Variants in TMEM163 observed in about 807,000 individuals in gnomAD.
TMEM163 encodes transmembrane protein 163.
A neutral mutation model predicts 29.3 loss-of-function variants in TMEM163; 17 were observed. The ratio of observed to expected loss-of-function variants is 0.58; its 90% CI spans 0.40 to 0.87. TMEM163 has a LOEUF of 0.87. Among genes scored for constraint, TMEM163 ranks in the 40% least tolerant of loss-of-function variants. The pLI, the probability that TMEM163 is intolerant of heterozygous loss-of-function variation, is 0.00. For synonymous variants in TMEM163, 157 were observed against 160.6 expected, an observed-to-expected ratio of 0.98 and a Z score of 0.17; for missense variants, 303 against 381.5, an observed-to-expected ratio of 0.79 and a Z score of 1.71.
chr2:134,536,013 G>A (rs749371339), intron 4 of TMEM163, among the ~76,000 whole-genome samples: 25 of 152,140 alleles, frequency 1.6e-4, no homozygotes, highest in Non-Finnish European at 3.1e-4. Context: ...ATGAGCCACC[G>A]CGCCCAGCCT....
At chr2:134,679,079 G>C (rs1312856373) in intron 2 of TMEM163, among the ~76,000 whole-genome samples, 1 of 152,036 alleles carries the variant, frequency 6.6e-6, no homozygotes, top group Admixed American at 6.5e-5. Flanking sequence ...GTCTGTCCCT[G>C]GCCTAGGGAA....
intron 2 of TMEM163, among the ~76,000 whole-genome samples, chr2:134,630,264 C>G (rs924280889): frequency 6.6e-6 from 1 of 151,526 alleles, no homozygotes; most frequent in African/African-American, 2.4e-5. Context: ...CATGATAAGT[C>G]TCTAGGACAG....
chr2:134,686,904 G>T (rs1340805718), intron 2 of TMEM163, among the ~76,000 whole-genome samples: 4 of 152,094 alleles, frequency 2.6e-5, no homozygotes, highest in African/African-American at 4.8e-5. Flanking sequence ...CATTCCCCTG[G>T]CCATCCAAAG....
intron 4 of TMEM163, among the ~76,000 whole-genome samples, chr2:134,542,520 G>A (rs948875702): frequency 3.9e-5 from 6 of 152,130 alleles, no homozygotes; most frequent in Admixed American, 1.3e-4. Flanking sequence ...GCCACGCCCC[G>A]TCACTCGCAT....
At chr2:134,495,022 C>T (rs1323111615) in intron 5 of TMEM163, among the ~76,000 whole-genome samples, 2 of 152,198 alleles carry the variant, frequency 1.3e-5, no homozygotes, top group Non-Finnish European at 2.9e-5. Flanking sequence ...TCAAACGTTT[C>T]CTGCCTCCAA....
rs145675081 is a variant in TMEM163, at chr2:134,553,583, C to T, written c.323-1492G>A. 8.5e-5 allele frequency among the ~76,000 whole-genome samples: 13 copies of T among 152,274 alleles called. No individual in the cohort carries two copies. In the East Asian group the frequency reaches 1.9e-3, roughly 23 times the overall value. ...GGAGAGTGAACCACTGGTGTCCGAG[C>T]GTTTCCAGACCCTTCCTGAAACTCA... is the stretch of plus-strand genomic sequence containing the variant. On this transcript the variant is annotated intron_variant, in intron 2 of 7. Transcript: ENST00000281924.
intron 5 of TMEM163, among the ~76,000 whole-genome samples, chr2:134,488,987 G>A (rs1179780452): frequency 6.6e-6 from 1 of 152,126 alleles, no homozygotes; most frequent in South Asian, 2.1e-4. Context: ...GTAACATTCT[G>A]AGAACATGAA....
chr2:134,583,427 C>T (rs913202770), intron 2 of TMEM163, among the ~76,000 whole-genome samples: 73 of 152,214 alleles, frequency 4.8e-4, no homozygotes, highest in African/African-American at 1.5e-3. Context: ...AAATTTCAGA[C>T]GGCAATCTAA....
chr2:134,697,331 C>A (rs1684604293), intron 2 of TMEM163, among the ~76,000 whole-genome samples: 1 of 152,098 alleles, frequency 6.6e-6, no homozygotes, highest in South Asian at 2.1e-4. Flanking sequence ...GCCTAATTTA[C>A]CAGTTACAAT....
At chr2:134,589,042 AG>A (rs2104800721) in intron 2 of TMEM163, among the ~76,000 whole-genome samples, 1 of 152,336 alleles carries the variant, frequency 6.6e-6, no homozygotes, top group South Asian at 2.1e-4. Flanking sequence ...GAAGAGACAA[AG>A]GTCAAAGGCA....
At position 134,561,353 on chromosome 2, in the gene TMEM163, A is replaced by G. The variant is rs1681177266; in HGVS notation, c.323-9262T>C. 4.6e-5 allele frequency among the ~76,000 whole-genome samples: 7 copies of G among 151,580 alleles called. No homozygotes were observed. The South Asian group carries it at 1.3e-3, about 27-fold the overall frequency. On this transcript the variant is annotated intron_variant, in intron 2 of 7. Transcript: ENST00000281924. ...CGAGTAGCTGGGACTACAGGCACCC[A>G]CCACCACACCCGGCTAATTTTTTTG...
intron 4 of TMEM163, among the ~76,000 whole-genome samples, chr2:134,510,369 C>T (rs111667301): frequency 6.6e-6 from 1 of 152,106 alleles, no homozygotes; most frequent in South Asian, 2.1e-4. Context: ...GACAGGAAGT[C>T]GCTGCAGCAT....
chr2:134,670,479 C>T (rs1193822678), intron 2 of TMEM163, among the ~76,000 whole-genome samples: 1 of 152,140 alleles, frequency 6.6e-6, no homozygotes, highest in Admixed American at 6.5e-5. Flanking sequence ...GCAATCTTGC[C>T]CTGATACTAC....
intron 2 of TMEM163, among the ~76,000 whole-genome samples, chr2:134,671,943 TGCTCAGAGCCTA>T (rs1352991438): frequency 2.0e-5 from 3 of 152,222 alleles, no homozygotes; most frequent in Non-Finnish European, 4.4e-5. Context: ...AAATGTAAAG[TGCTCAGAGCCTA>T]GCCTGGCATG....
At chr2:134,506,251 CCA>C (rs1460293312) in intron 4 of TMEM163, among the ~76,000 whole-genome samples, 2 of 152,094 alleles carry the variant, frequency 1.3e-5, no homozygotes, top group African/African-American at 2.4e-5. Flanking sequence ...GATTCAAAAC[CCA>C]CAGTCACCCC....
intron 2 of TMEM163, among the ~76,000 whole-genome samples, chr2:134,554,703 G>C (rs1681010615): frequency 6.6e-6 from 1 of 152,168 alleles, no homozygotes; most frequent in South Asian, 2.1e-4. Flanking sequence ...GCCACTAAAT[G>C]GTGGGTGGGG....
At chr2:134,546,680 G>A (rs1680794732) in intron 4 of TMEM163, among the ~76,000 whole-genome samples, 1 of 151,354 alleles carries the variant, frequency 6.6e-6, no homozygotes, top group South Asian at 2.1e-4. Flanking sequence ...AGGTGTGGTG[G>A]TGCATGCCTG....
chr2:134,692,953 A>G (rs58850951), intron 2 of TMEM163, among the ~76,000 whole-genome samples: 5,265 of 152,088 alleles, frequency 0.035, 291 homozygotes, highest in African/African-American at 0.12. Context: ...TCCCAAATCC[A>G]TCTTTCTTCC....
chr2:134,563,952 T>G (rs999236406), intron 2 of TMEM163, among the ~76,000 whole-genome samples: 13 of 152,128 alleles, frequency 8.5e-5, no homozygotes, highest in Admixed American at 8.5e-4. Flanking sequence ...CTCGGGAGGC[T>G]GAGGCAGGAG....
Sources: allele counts gnomAD v4.1 joint callset (sites outside exome capture counted in the v4.1 genomes callset), GRCh38; gene constraint gnomAD v4.1.1; transcripts MANE v1.5; gene names NCBI Gene and HGNC (gene_info 2026-07-23, HGNC 2026-07-21).